FREM2: variants seen among roughly 807,000 people sequenced by gnomAD.
The protein encoded by FREM2 is FRAS1 related extracellular matrix 2.
A neutral mutation model predicts 219.9 loss-of-function variants in FREM2; 119 were observed. The observed-to-expected ratio is 0.54, with a 90% CI of 0.47 to 0.63. FREM2 has a LOEUF of 0.63. Ranked by LOEUF, FREM2 falls within the 30% of genes least tolerant of loss-of-function variation. The pLI is 0.00. For missense variants in FREM2, 4,030 were observed against 3,993.6 expected, an observed-to-expected ratio of 1.01 and a Z score of -0.25; for synonymous variants, 1,562 against 1,522.8, an observed-to-expected ratio of 1.03 and a Z score of -0.60.
At chr13:38,767,501 C>A (rs12020645) in intron 3 of FREM2, among the ~76,000 whole-genome samples, 43,382 of 151,494 alleles carry the variant, frequency 0.29, 7,655 homozygotes, top group Non-Finnish European at 0.4. Context: ...TTTGAAACTC[C>A]AAAAAAAACA....
At chr13:38,712,250 A>C (rs928655595) in intron 2 of FREM2, among the ~76,000 whole-genome samples, 2 of 152,176 alleles carry the variant, frequency 1.3e-5, no homozygotes, top group Admixed American at 6.5e-5. Flanking sequence ...TGGTGTATGC[A>C]CTGGATGTGG....
chr13:38,833,298 C>G (rs887295872), intron 6 of FREM2, among the ~76,000 whole-genome samples: 5 of 151,944 alleles, frequency 3.3e-5, no homozygotes, highest in African/African-American at 1.2e-4. Flanking sequence ...AATTTATTTA[C>G]ATTTGTTCTT....
Position 38,691,091 on chromosome 13 carries a change from C to G in FREM2, c.3747C>G (p.Val1249=). ...AGCTGATAAATGGCACGGTTTTGGT[C>G]GAAAGCTTCACCTTGGATCAGATCA... ...MNQLINGTVL[V]ESFTLDQIIE... Residue 1249 remains valine, a synonymous_variant, in exon 1 of 24, where the codon GTC becomes GTG. Coordinates refer to ENST00000280481, the MANE Select transcript of FREM2 (RefSeq NM_207361.6). The G allele has an allele frequency of 6.2e-7, 1 of 1,613,956 alleles. No individual in the cohort carries two copies. Among genetic ancestry groups the G allele is most frequent in the South Asian group, 1.1e-5 (1 of 91,060 alleles).
At chr13:38,716,193 TC>T (rs1399808558) in intron 2 of FREM2, among the ~76,000 whole-genome samples, 4 of 152,174 alleles carry the variant, frequency 2.6e-5, no homozygotes, top group Non-Finnish European at 5.9e-5. Flanking sequence ...AGCTTTCTTT[TC>T]TCACCCATGA....
intron 2 of FREM2, among the ~76,000 whole-genome samples, chr13:38,756,277 G>A (rs61949814): frequency 0.12 from 17,855 of 152,140 alleles, 1,358 homozygotes; most frequent in Admixed American, 0.2. Flanking sequence ...ATTGCTCCTA[G>A]GGGAAATACA....
chr13:38,851,446 C>T (rs1413161712), intron 10 of FREM2, among the ~76,000 whole-genome samples: 2 of 152,132 alleles, frequency 1.3e-5, no homozygotes, highest in African/African-American at 4.8e-5. Context: ...TAATTTATGG[C>T]ACATATAGAG....
chr13:38,846,384 G>A (rs1487484504), intron 6 of FREM2, among the ~76,000 whole-genome samples, 189 bp from the exon 7 acceptor site: 3 of 152,116 alleles, frequency 2.0e-5, no homozygotes, highest in Non-Finnish European at 2.9e-5. Context: ...GTGTATGTTC[G>A]ATTGTAAGGA....
At chr13:38,725,797 C>T (rs1459930179) in intron 2 of FREM2, among the ~76,000 whole-genome samples, 4 of 152,038 alleles carry the variant, frequency 2.6e-5, no homozygotes, top group African/African-American at 7.2e-5. Flanking sequence ...CAGGTTCAAG[C>T]GATTGGATGA....
chr13:38,723,860 A>T (rs1027279684), intron 2 of FREM2, among the ~76,000 whole-genome samples: 2 of 152,102 alleles, frequency 1.3e-5, no homozygotes, highest in African/African-American at 4.8e-5. Context: ...CTAAGAGGAG[A>T]TTCTATTATT....
chr13:38,846,182 G>C (rs1877146211), intron 6 of FREM2, among the ~76,000 whole-genome samples: 2 of 151,104 alleles, frequency 1.3e-5, no homozygotes, highest in African/African-American at 4.9e-5. Context: ...GTGGGAACTT[G>C]GTAAGAAATA....
At chr13:38,758,005 A>G (rs543450331) in intron 2 of FREM2, among the ~76,000 whole-genome samples, 1 of 152,188 alleles carries the variant, frequency 6.6e-6, no homozygotes, top group Non-Finnish European at 1.5e-5. Flanking sequence ...AGGAAGGGAG[A>G]AAATGATAGA....
intron 6 of FREM2, among the ~76,000 whole-genome samples, chr13:38,792,346 T>A (rs1874596023): frequency 1.3e-5 from 2 of 152,132 alleles, no homozygotes; most frequent in South Asian, 4.1e-4. Flanking sequence ...AGACTCGGTC[T>A]CAAAAAATAT....
chr13:38,700,418 G>A (rs1005867445), intron 2 of FREM2, among the ~76,000 whole-genome samples: 5 of 152,018 alleles, frequency 3.3e-5, no homozygotes, highest in Non-Finnish European at 4.4e-5. Flanking sequence ...GATAACATCA[G>A]GGTCTTTACC....
intron 6 of FREM2, among the ~76,000 whole-genome samples, chr13:38,813,716 C>T (rs375069507): frequency 2.4e-4 from 36 of 150,628 alleles, no homozygotes; most frequent in Non-Finnish European, 4.9e-4. Flanking sequence ...ATAACCTTCT[C>T]GTACTTGAAT....
At chr13:38,716,986 G>A (rs1871030136) in intron 2 of FREM2, among the ~76,000 whole-genome samples, 1 of 152,234 alleles carries the variant, frequency 6.6e-6, no homozygotes, top group African/African-American at 2.4e-5. Flanking sequence ...CCTTCATTTG[G>A]AACCAAGATC....
intron 6 of FREM2, among the ~76,000 whole-genome samples, chr13:38,819,203 G>T (rs566256389): frequency 6.6e-6 from 1 of 152,076 alleles, no homozygotes; most frequent in Non-Finnish European, 1.5e-5. Context: ...GCTGCTGTGC[G>T]CTTGCCTGGT....
chr13:38,716,461 C>G (rs1020912051), intron 2 of FREM2, among the ~76,000 whole-genome samples: 1 of 152,118 alleles, frequency 6.6e-6, no homozygotes, highest in Non-Finnish European at 1.5e-5. Context: ...TTCCCATTCC[C>G]TTTCCTCATA....
In FREM2 at chr13:38,884,671, G is replaced by T. The variant is rs1369169726; in HGVS notation, c.*3884G>T. The T allele has an allele frequency of 6.6e-6, 1 of 152,094 alleles. No individual in the cohort carries two copies. The highest frequency in any genetic ancestry group is 1.5e-5 in the Non-Finnish European group (1 of 68,018). The allele number at this position is 152,094 out of a possible 1,614,324, so 9.4% of individuals were successfully genotyped here. On this transcript the variant is annotated 3_prime_UTR_variant, in exon 24 of 24. Transcript: ENST00000280481. ...AACAAGTGTCTTCACTAAGCGTATGGCCAATAAATGGGACCCAAACGTTCA... is the reference window on the plus strand; with the variant it reads ...AACAAGTGTCTTCACTAAGCGTATGTCCAATAAATGGGACCCAAACGTTCA...
chr13:38,824,993 G>A lies in FREM2; in HGVS notation c.6020-21580G>A, dbSNP rs781444060. On this transcript the variant is annotated intron_variant, in intron 6 of 23. Transcript: ENST00000280481. ...AAGGTTGGGGGTGGAGGGGGGCGGC[G>A]GGCTAGATCAGATCTCCCTCACTGC... Among the ~76,000 whole-genome samples, 116 of 152,016 alleles carry A rather than the reference G, an allele frequency of 7.6e-4. 1 individual carries two copies. Among genetic ancestry groups the A allele is most frequent in the Non-Finnish European group, 1.1e-3 (78 of 67,948 alleles).
Sources: gnomAD v4.1 joint callset for allele counts (sites outside exome capture counted in the v4.1 genomes callset) on GRCh38, gnomAD v4.1.1 for gene constraint, MANE v1.5 for transcripts, NCBI Gene and HGNC (gene_info 2026-07-23, HGNC 2026-07-21) for gene names.